The following PCDHGA7 variants were observed in gnomAD, a reference collection of about 807,000 sequenced individuals.
PCDHGA7 encodes protocadherin gamma-A7.
In PCDHGA7, 44 loss-of-function variants were observed where a neutral mutation model predicts 58.3. The ratio of observed to expected loss-of-function variants is 0.75; its 90% CI spans 0.59 to 0.97. The LOEUF (loss-of-function observed/expected upper bound fraction) is 0.97, where lower values mean the gene tolerates loss of function less well. PCDHGA7 is among the 50% of genes least tolerant of loss of function. PCDHGA7 has a pLI of 0.00. For synonymous variants in PCDHGA7, 516 were observed against 504.2 expected (o/e 1.02, Z -0.31); for missense variants, 1,266 against 1,188.7 (o/e 1.06, Z -0.96).
At chr5:141,409,755 G>C (rs2095312141) in intron 1 of PCDHGA7, 1 of 1,613,024 alleles carries the variant, frequency 6.2e-7, no homozygotes, top group Non-Finnish European at 8.5e-7. Flanking sequence ...TTCGCGCAGC[G>C]CGCCTTTGAT....
In PCDHGA7 at chr5:141,442,072, C is replaced by G. The variant is rs1034351866; in HGVS notation, c.2425-52735C>G. On this transcript the variant is annotated intron_variant, in intron 1 of 3. Transcript: ENST00000518325. ...GTCGCGGTGCACTGCGGTGGACAGC[C>G]GCTCCTCTCGCTACCGCCACGTCAC... 17 of 175,092 alleles carry G rather than the reference C, an allele frequency of 9.7e-5. No homozygotes were observed. The South Asian group carries it at 1.5e-3, about 16-fold the overall frequency. 10.8% of individuals were successfully genotyped at this position (175,092 alleles called of 1,614,324 possible). A position where few individuals can be genotyped will look rare whatever the true frequency, so the allele number is the denominator to read the frequency against.
chr5:141,476,754 T>G lies in PCDHGA7; in HGVS notation c.2425-18053T>G. 1 of 1,613,926 alleles carries G rather than the reference T, an allele frequency of 6.2e-7. No individual in the cohort carries two copies. The highest frequency in any genetic ancestry group is 1.1e-5 in the South Asian group (1 of 91,084). On this transcript the variant is annotated intron_variant, in intron 1 of 3. Coordinates refer to ENST00000518325, the MANE Select transcript of PCDHGA7 (RefSeq NM_018920.4). The surrounding 1 kb of genome is among the most constrained non-coding windows in gnomAD (Gnocchi z 7.6). Reference sequence around the variant, plus strand: ...GAACGGGAGCCTAGTCTCCAGTTAGTGCTGACGGCGTTGGACGGAGGGACC... The same window carrying G: ...GAACGGGAGCCTAGTCTCCAGTTAGGGCTGACGGCGTTGGACGGAGGGACC...
intron 1 of PCDHGA7, chr5:141,412,854 A>G (rs1356959630): frequency 4.5e-6 from 1 of 223,412 alleles, no homozygotes; most frequent in South Asian, 1.8e-4. Context: ...GAGAAACCAA[A>G]GAATCTATGT....
rs766151180 is a variant in PCDHGA7 at position 141,432,210 on chromosome 5, A to G, written c.2424+46887A>G. On this transcript the variant is annotated intron_variant, in intron 1 of 3. Transcript: ENST00000518325. This position sits in a 1 kb window ranked among gnomAD's most constrained non-coding sequence, Gnocchi z 6.0. Reference sequence around the variant, plus strand: ...GCCCACGACCCCGACTGTGAAGAGAACGCCCAGATCACTTATTCCCTGGCT... The same window carrying G: ...GCCCACGACCCCGACTGTGAAGAGAGCGCCCAGATCACTTATTCCCTGGCT... 1 of 1,614,138 alleles carries G rather than the reference A, an allele frequency of 6.2e-7. No individual in the cohort carries two copies. Among genetic ancestry groups the G allele is most frequent in the Non-Finnish European group, 8.5e-7 (1 of 1,180,018 alleles).
rs371499368 is a variant in PCDHGA7 at position 141,414,269 on chromosome 5, C to T, written c.2424+28946C>T. The stretch of plus-strand genomic sequence containing the variant: ...TTTAGTCCAGTGACTGAAGATTCAC[C>T]TCTGGGAACAGTCGTAGCCCTTTTA... On this transcript the variant is annotated intron_variant, in intron 1 of 3. Coordinates refer to ENST00000518325, the MANE Select transcript of PCDHGA7 (RefSeq NM_018920.4). 8.1e-6 allele frequency: 13 copies of T among 1,613,266 alleles called. No homozygotes were observed. The African/African-American group carries it at 1.6e-4, about 20-fold the overall frequency.
At position 141,485,681 on chromosome 5, in the gene PCDHGA7, T is replaced by A; in HGVS notation, c.2425-9126T>A. The A allele has an allele frequency of 6.2e-7, 1 of 1,614,074 alleles. No homozygotes were observed. The highest frequency in any genetic ancestry group is 8.5e-7 in the Non-Finnish European group (1 of 1,179,966). ...TGTGGGGAGCAATTCGATTAGCAGC[T>A]ATAGGCTGAGCTCCAATGAACACTT... On this transcript the variant is annotated intron_variant, in intron 1 of 3. Transcript: ENST00000518325. The surrounding 1 kb of genome is among the most constrained non-coding windows in gnomAD (Gnocchi z 5.7).
rs776677714 is a variant in PCDHGA7 at position 141,419,329 on chromosome 5, T to C, written c.2424+34006T>C. The C allele has an allele frequency of 7.4e-6, 12 of 1,613,842 alleles. 2 individuals carry two copies. The South Asian group carries it at 1.3e-4, about 18-fold the overall frequency. On this transcript the variant is annotated intron_variant, in intron 1 of 3. Coordinates refer to ENST00000518325, the MANE Select transcript of PCDHGA7 (RefSeq NM_018920.4). The stretch of plus-strand genomic sequence containing the variant: ...GGCTCAACGGCCGTGTCTCCTACTC[T>C]CTCATTGCCAGCGACCTGGAGTCAC...
At chr5:141,481,560 G>A (rs1594155886) in intron 1 of PCDHGA7, among the ~76,000 whole-genome samples, 1 of 152,212 alleles carries the variant, frequency 6.6e-6, no homozygotes, top group Non-Finnish European at 1.5e-5. Flanking sequence ...GCTCACGCCT[G>A]TAATCCCAGT....
At position 141,384,679 on chromosome 5, in the gene PCDHGA7, G is replaced by T; in HGVS notation, c.1780G>T (p.Val594Leu). ...CTACCTGGTGACCAAGGTGGTGGCG[G>T]TGGACAAAGATTCAGGCCAGAACGC... ...PGYLVTKVVAVDKDSGQNAWL... is the reference protein window; with the variant it reads ...PGYLVTKVVALDKDSGQNAWL... Residue 594 changes from valine to leucine, a missense_variant, in exon 1 of 4, where the codon GTG becomes TTG. Coordinates refer to ENST00000518325, the MANE Select transcript of PCDHGA7 (RefSeq NM_018920.4). 1 of 1,614,216 alleles carries T rather than the reference G, an allele frequency of 6.2e-7. No homozygotes were observed. The highest frequency in any genetic ancestry group is 8.5e-7 in the Non-Finnish European group (1 of 1,180,046).
At chr5:141,409,435 C>T in intron 1 of PCDHGA7, 2 of 1,613,994 alleles carry the variant, frequency 1.2e-6, no homozygotes, top group Non-Finnish European at 1.7e-6. Context: ...GAGCCCTGGA[C>T]CGAGAGCAGA....
intron 1 of PCDHGA7, chr5:141,403,237 CTG>C (rs1436614562): frequency 1.2e-6 from 2 of 1,613,942 alleles, no homozygotes; most frequent in Admixed American, 1.7e-5. Flanking sequence ...GGGAGGAGCT[CTG>C]TGCTCAGAGC....
At chr5:141,404,807 G>A (rs1226563047) in intron 1 of PCDHGA7, 1 of 1,613,924 alleles carries the variant, frequency 6.2e-7, no homozygotes, top group Non-Finnish European at 8.5e-7. Flanking sequence ...GCTCTTCTCG[G>A]TGGGGCTGCA....
chr5:141,409,522 G>A (rs371017853), intron 1 of PCDHGA7: 30 of 1,613,874 alleles, frequency 1.9e-5, no homozygotes, highest in Non-Finnish European at 2.3e-5. Flanking sequence ...GCATCACCTT[G>A]TATGTCGCTG....
intron 1 of PCDHGA7, chr5:141,392,647 C>A: frequency 1.5e-6 from 1 of 685,816 alleles, no homozygotes; most frequent in Non-Finnish European, 2.3e-6. Flanking sequence ...CTCACGAAGA[C>A]CCGCAGATGC....
chr5:141,423,751 G>GT, intron 1 of PCDHGA7: 12 of 349,026 alleles, frequency 3.4e-5, no homozygotes, highest in Non-Finnish European at 4.3e-5. Context: ...AAAACTGTTT[G>GT]GGGGGGGGGT....
chr5:141,387,024 G>T (rs888266912), intron 1 of PCDHGA7, among the ~76,000 whole-genome samples: 2 of 152,172 alleles, frequency 1.3e-5, no homozygotes, highest in Non-Finnish European at 2.9e-5. Context: ...GATGAATGTT[G>T]TATTTCATAA....
At chr5:141,397,756 A>AT (rs1283531463) in intron 1 of PCDHGA7, among the ~76,000 whole-genome samples, 1 of 152,210 alleles carries the variant, frequency 6.6e-6, no homozygotes, top group Admixed American at 6.5e-5. Context: ...AGTTGTTATA[A>AT]TTTTTTATTA....
At chr5:141,418,026 T>A (rs2154547454) in intron 1 of PCDHGA7, 1 of 1,613,962 alleles carries the variant, frequency 6.2e-7, no homozygotes, top group East Asian at 2.2e-5. Context: ...GATCTAGGGC[T>A]TAGTGTCCTG....
chr5:141,491,479 C>T lies in PCDHGA7; in HGVS notation c.2425-3328C>T. On this transcript the variant is annotated intron_variant, in intron 1 of 3. Transcript: ENST00000518325. The surrounding 1 kb of genome is among the most constrained non-coding windows in gnomAD (Gnocchi z 6.9). ...CCCGGACTTCTATAAGCAGTCCAGCCCCAACCTGCAGGTGAGCTCGGACGG... is the reference window on the plus strand; with the variant it reads ...CCCGGACTTCTATAAGCAGTCCAGCTCCAACCTGCAGGTGAGCTCGGACGG... 1 of 1,614,144 alleles carries T rather than the reference C, an allele frequency of 6.2e-7. No homozygotes were observed. Among genetic ancestry groups the T allele is most frequent in the Non-Finnish European group, 8.5e-7 (1 of 1,180,024 alleles).
Sources: gnomAD v4.1 joint callset for allele counts (sites outside exome capture counted in the v4.1 genomes callset) on GRCh38, gnomAD v4.1.1 for gene constraint, Gnocchi (gnomAD v3.1) non-coding constraint, MANE v1.5 for transcripts, NCBI Gene and HGNC (gene_info 2026-07-23, HGNC 2026-07-21) for gene names.